Variants in CEP85L observed in about 807,000 individuals in gnomAD.
CEP85L encodes the protein centrosomal protein of 85 kDa-like.
CEP85L carries 60 observed loss-of-function variants against 100.3 expected under a neutral mutation model. The observed-to-expected ratio is 0.60, with a 90% CI of 0.49 to 0.74. The LOEUF is 0.74. Ranked by LOEUF, CEP85L falls within the 30% of genes least tolerant of loss-of-function variation. CEP85L has a pLI of 0.00. For missense variants in CEP85L, 973 were observed against 936.2 expected (o/e 1.04, Z -0.51); for synonymous variants, 319 against 322.7 (o/e 0.99, Z 0.12).
intron 2 of CEP85L, among the ~76,000 whole-genome samples, chr6:118,574,888 G>T (rs1383175815): frequency 6.6e-6 from 1 of 152,060 alleles, no homozygotes; most frequent in Admixed American, 6.6e-5. Context: ...CCTGTCGAGG[G>T]TTTATACCAA....
intron 3 of CEP85L, among the ~76,000 whole-genome samples, chr6:118,543,048 T>C (rs973997235): frequency 6.6e-6 from 1 of 152,148 alleles, no homozygotes; most frequent in Non-Finnish European, 1.5e-5. Context: ...GTTCCTTCTT[T>C]CTTTAGCCTC....
rs376229767 is a variant in CEP85L, at chr6:118,663,255, A to G, written c.-27-10447T>C. Among the ~76,000 whole-genome samples the G allele has an allele frequency of 1.3e-4, 20 of 152,364 alleles. No homozygotes were observed. In the South Asian group the frequency reaches 3.9e-3, roughly 30 times the overall value. On this transcript the variant is annotated intron_variant, in intron 1 of 13. Coordinates refer to the CEP85L transcript ENST00000368488. ...GGTTCAGTAAGTTTCCTTTTGGGAC[A>G]TTATCCTAAGGGAAAAAAATCAAAA...
intron 1 of CEP85L, among the ~76,000 whole-genome samples, chr6:118,691,042 A>C (rs1777024920): frequency 6.6e-6 from 1 of 152,190 alleles, no homozygotes; most frequent in South Asian, 2.1e-4. Context: ...AGAAAGATAA[A>C]AAGAAAGAGG....
chr6:118,466,102 C>T (rs1157352774), intron 12 of CEP85L, among the ~76,000 whole-genome samples: 1 of 152,060 alleles, frequency 6.6e-6, no homozygotes, highest in East Asian at 1.9e-4. Context: ...AAAGCTGGGA[C>T]CCTACAATCC....
chr6:118,498,088 C>G (rs1416840533), intron 5 of CEP85L, among the ~76,000 whole-genome samples: 1 of 152,108 alleles, frequency 6.6e-6, no homozygotes, highest in Non-Finnish European at 1.5e-5. Context: ...TACTTGACAG[C>G]AGACTTGGAT....
chr6:118,695,595 C>A (rs1199097702), intron 1 of CEP85L, among the ~76,000 whole-genome samples: 3 of 152,212 alleles, frequency 2.0e-5, no homozygotes, highest in African/African-American at 7.2e-5. Flanking sequence ...GTCTTGGGAT[C>A]ACCTTTTGAG....
intron 5 of CEP85L, among the ~76,000 whole-genome samples, chr6:118,509,071 CAAT>C (rs1029959598): frequency 2.5e-4 from 38 of 152,036 alleles, no homozygotes; most frequent in Non-Finnish European, 4.3e-4. Context: ...TCAGATTTCT[CAAT>C]AATATTTCAA....
At chr6:118,530,805 A>G (rs11153754) in intron 3 of CEP85L, among the ~76,000 whole-genome samples, 106,116 of 150,616 alleles carry the variant, frequency 0.7, 38,086 homozygotes, top group African/African-American at 0.75. Flanking sequence ...CTAGGGAAGT[A>G]AAAGAGCTCT....
chr6:118,694,640 A>G (rs1340685243), intron 1 of CEP85L, among the ~76,000 whole-genome samples: 1 of 152,250 alleles, frequency 6.6e-6, no homozygotes, highest in Non-Finnish European at 1.5e-5. Context: ...AAAAATTCTA[A>G]GTGAAAGCAA....
rs960750406 is a variant in CEP85L, at chr6:118,537,843, A to C, written c.1021-13923T>G. 20 of 984,984 alleles carry C rather than the reference A, an allele frequency of 2.0e-5. No individual in the cohort carries two copies. In the African/African-American group the frequency reaches 3.5e-4, roughly 17 times the overall value. 61.0% of individuals were successfully genotyped at this position (984,984 alleles called of 1,614,324 possible). A position where few individuals can be genotyped will look rare whatever the true frequency, so the allele number is the denominator to read the frequency against. Reference sequence around the variant, plus strand: ...GCCTTTGTCTCTGAGCTTATTCATCACTCACAACATGTCACGTAACACAGT... The same window carrying C: ...GCCTTTGTCTCTGAGCTTATTCATCCCTCACAACATGTCACGTAACACAGT... On this transcript the variant is annotated intron_variant, in intron 3 of 12. Transcript: ENST00000368491.
chr6:118,488,650 ATG>A (rs559907176), intron 6 of CEP85L, among the ~76,000 whole-genome samples: 1 of 152,156 alleles, frequency 6.6e-6, no homozygotes, highest in African/African-American at 2.4e-5. Flanking sequence ...CTTCCCAAAT[ATG>A]TGTGTGTGGG....
chr6:118,482,511 T>C (rs990536901), intron 7 of CEP85L, among the ~76,000 whole-genome samples: 4 of 152,220 alleles, frequency 2.6e-5, no homozygotes, highest in Admixed American at 1.3e-4. Context: ...GGTTAATCCA[T>C]ACGATAGCAT....
chr6:118,682,116 G>A (rs1776684761), intron 1 of CEP85L, among the ~76,000 whole-genome samples: 1 of 152,064 alleles, frequency 6.6e-6, no homozygotes, highest in African/African-American at 2.4e-5. Context: ...GCCACCTCAT[G>A]TTCAGACCAT....
intron 3 of CEP85L, among the ~76,000 whole-genome samples, chr6:118,556,510 C>T (rs2114956325): frequency 6.6e-6 from 1 of 152,238 alleles, no homozygotes; most frequent in Non-Finnish European, 1.5e-5. Flanking sequence ...AAAGTAAATG[C>T]CGGGTTCTAA....
At chr6:118,574,751 CT>C (rs147096144) in intron 2 of CEP85L, among the ~76,000 whole-genome samples, 6,112 of 152,274 alleles carry the variant, frequency 0.04, 191 homozygotes, top group Non-Finnish European at 0.06. Flanking sequence ...AGCAGGAGTA[CT>C]TCCTTGGTGG....
At chr6:118,529,301 C>A (rs568432459) in intron 3 of CEP85L, among the ~76,000 whole-genome samples, 1 of 152,210 alleles carries the variant, frequency 6.6e-6, no homozygotes, top group East Asian at 1.9e-4. Flanking sequence ...CATAGGCTAA[C>A]AACTTATAAA....
chr6:118,638,042 T>C (rs1774620205), intron 1 of CEP85L, among the ~76,000 whole-genome samples: 1 of 152,080 alleles, frequency 6.6e-6, no homozygotes. Context: ...CTGATAATGG[T>C]AATGTTAATT....
At chr6:118,491,006 T>C (rs757541154) in intron 6 of CEP85L, among the ~76,000 whole-genome samples, 3 of 152,170 alleles carry the variant, frequency 2.0e-5, no homozygotes, top group Non-Finnish European at 4.4e-5. Flanking sequence ...CAAGTGTTTT[T>C]TATGTAATGA....
At chr6:118,646,784 TTCA>T (rs998692975) in intron 1 of CEP85L, 4 of 297,800 alleles carry the variant, frequency 1.3e-5, no homozygotes, top group Non-Finnish European at 2.0e-5. Flanking sequence ...ACTTTATGTC[TTCA>T]TCATCTTTTC....
Sources: gnomAD v4.1 joint callset for allele counts (sites outside exome capture counted in the v4.1 genomes callset) on GRCh38, gnomAD v4.1.1 for gene constraint, MANE v1.5 for transcripts, NCBI Gene and HGNC (gene_info 2026-07-23, HGNC 2026-07-21) for gene names.